DCP2: variants seen among roughly 807,000 people sequenced by gnomAD.
DCP2 encodes the protein m7GpppN-mRNA hydrolase.
DCP2 carries 30 observed loss-of-function variants against 56.1 expected under a neutral mutation model. That is an observed-to-expected ratio of 0.53 (90% confidence interval 0.40 to 0.73). The LOEUF is 0.73. DCP2 is among the 30% of genes least tolerant of loss of function. DCP2 has a pLI of 0.00. For missense variants in DCP2, 533 were observed against 502.7 expected (o/e 1.06, Z -0.58); for synonymous variants, 197 against 163.3 (o/e 1.21, Z -1.57).
intron 7 of DCP2, among the ~76,000 whole-genome samples, chr5:113,002,649 C>T (rs918111828): frequency 2.0e-5 from 3 of 152,036 alleles, no homozygotes; most frequent in Non-Finnish European, 4.4e-5. Context: ...TTTCCTGAGT[C>T]ACTGGGAACA....
rs1314177563 is a variant in DCP2 at position 113,020,900 on chromosome 5, CATT to C, written c.*7417_*7419del. 4 of 152,120 alleles carry C rather than the reference CATT, an allele frequency of 2.6e-5. No homozygotes were observed. The highest frequency in any genetic ancestry group is 3.8e-4 in the East Asian group (2 of 5,200). The allele number at this position is 152,120 out of a possible 1,614,324, so 9.4% of individuals were successfully genotyped here. A position where few individuals can be genotyped will look rare whatever the true frequency, so the allele number is the denominator to read the frequency against. ...AGATACTGGCTTTCTGTAAAAACAT[CATT>C]GTGTTAGATTGTTTGTAATGTACTA... On this transcript the variant is annotated 3_prime_UTR_variant, in exon 11 of 11. Transcript: ENST00000389063.
chr5:112,983,554 T>A (rs1748109457), intron 1 of DCP2, among the ~76,000 whole-genome samples: 1 of 152,166 alleles, frequency 6.6e-6, no homozygotes, highest in Admixed American at 6.5e-5. Flanking sequence ...TAGGATTGAC[T>A]TACGAGACCT....
At chr5:113,000,911 C>G (rs1044636475) in intron 4 of DCP2, among the ~76,000 whole-genome samples, 173 bp from the exon 5 acceptor site, 1 of 152,130 alleles carries the variant, frequency 6.6e-6, no homozygotes, top group African/African-American at 2.4e-5. Context: ...AACAATAGGG[C>G]ACAAGAACTT....
intron 1 of DCP2, 135 bp downstream of exon 1, chr5:112,977,121 C>G: frequency 1.6e-6 from 1 of 619,254 alleles, no homozygotes; most frequent in Admixed American, 3.7e-5. Flanking sequence ...CGCTTTCCAT[C>G]GTCGACCCTG....
chr5:112,995,993 A>C (rs1020912447), intron 4 of DCP2, among the ~76,000 whole-genome samples: 1 of 152,194 alleles, frequency 6.6e-6, no homozygotes, highest in Non-Finnish European at 1.5e-5. Flanking sequence ...TCTTGTAAAA[A>C]TGGCACCAGC....
Position 113,013,841 on chromosome 5 carries a change from G to C in DCP2, c.*357G>C, listed in dbSNP as rs754477286. On this transcript the variant is annotated 3_prime_UTR_variant, in exon 11 of 11. Transcript: ENST00000389063. ...GGGAATGCTCCATCTACCTGTTACAGTGATTGCAATAATAGTATATTGGAG... is the reference window on the plus strand; with the variant it reads ...GGGAATGCTCCATCTACCTGTTACACTGATTGCAATAATAGTATATTGGAG... 7.3e-5 allele frequency: 13 copies of C among 176,964 alleles called. No individual in the cohort carries two copies. Among genetic ancestry groups the C allele is most frequent in the Non-Finnish European group, 1.2e-4 (10 of 84,150 alleles). 11.0% of individuals were successfully genotyped at this position (176,964 alleles called of 1,614,324 possible).
At chr5:112,977,856 C>A (rs905365056) in intron 1 of DCP2, among the ~76,000 whole-genome samples, 14 of 151,892 alleles carry the variant, frequency 9.2e-5, no homozygotes, top group African/African-American at 2.7e-4. Flanking sequence ...TTCACAGTTA[C>A]TGTGTTTATG....
In DCP2 at chr5:112,985,916, T is replaced by C; in HGVS notation, c.135T>C (p.Phe45=). Reference sequence around the variant, plus strand: ...TTCAGATTGAACTTGCCCATTGGTTTTACTTGGATTTCTACATGCAGAACA... The same window carrying C: ...TTCAGATTGAACTTGCCCATTGGTTCTACTTGGATTTCTACATGCAGAACA... The part of the protein sequence containing the change: ...VCFQIELAHW[F]YLDFYMQNTP... The change falls in exon 2 of 11, where the codon TTT becomes TTC. Residue 45 remains phenylalanine (F), a synonymous_variant. Coordinates refer to ENST00000389063, the MANE Select transcript of DCP2 (RefSeq NM_152624.6). 6.2e-7 allele frequency: 1 copy of C among 1,609,920 alleles called. No individual in the cohort carries two copies. Among genetic ancestry groups the C allele is most frequent in the Non-Finnish European group, 8.5e-7 (1 of 1,176,654 alleles).
intron 4 of DCP2, among the ~76,000 whole-genome samples, chr5:112,993,000 C>G (rs559161771): frequency 4.7e-5 from 7 of 149,082 alleles, no homozygotes; most frequent in Non-Finnish European, 1.0e-4. Flanking sequence ...TTTGTATTAT[C>G]TCTTGTTCCT....
rs753606346 is a variant in DCP2, at chr5:113,001,076, G to GT, written c.433-5dup. ...AATGAAAATTTCATCCAAATTTGTT[G>GT]TTTCCAGGTCTTTGAAGAAACTGGT... On this transcript the variant is annotated splice_polypyrimidine_tract_variant and splice_region_variant and intron_variant, in intron 4 of 10. Transcript: ENST00000389063. 4 of 1,578,244 alleles carry GT rather than the reference G, an allele frequency of 2.5e-6. No individual in the cohort carries two copies. The African/African-American group carries it at 5.5e-5, about 22-fold the overall frequency.
chr5:112,995,810 T>C (rs950178405), intron 4 of DCP2, among the ~76,000 whole-genome samples: 2 of 152,230 alleles, frequency 1.3e-5, no homozygotes, highest in Non-Finnish European at 2.9e-5. Context: ...TGTTTTAGTC[T>C]GTGAGGGCTA....
rs1013210926 is a variant in DCP2, at chr5:113,020,429, T to C, written c.*6945T>C. On this transcript the variant is annotated 3_prime_UTR_variant, in exon 11 of 11. Transcript: ENST00000389063. Reference sequence around the variant, plus strand: ...GGTGGTATACAGTTCTTGGTGCTCTTTTGGAAATTGTCAAACATTTACTGA... The same window carrying C: ...GGTGGTATACAGTTCTTGGTGCTCTCTTGGAAATTGTCAAACATTTACTGA... 1 of 152,240 alleles carries C rather than the reference T, an allele frequency of 6.6e-6. No homozygotes were observed. Among genetic ancestry groups the C allele is most frequent in the African/African-American group, 2.4e-5 (1 of 41,464 alleles). 9.4% of individuals were successfully genotyped at this position (152,240 alleles called of 1,614,324 possible).
At chr5:112,999,697 A>T (rs1749048384) in intron 4 of DCP2, among the ~76,000 whole-genome samples, 2 of 150,052 alleles carry the variant, frequency 1.3e-5, no homozygotes, top group Admixed American at 1.3e-4. Context: ...GATGGTGATC[A>T]CGGTTCACTG....
At chr5:112,992,616 G>T in intron 3 of DCP2, 56 bp from the exon 4 acceptor site, 1 of 1,262,762 alleles carries the variant, frequency 7.9e-7, no homozygotes, top group African/African-American at 1.5e-5. Context: ...TTGATTTTTA[G>T]AAAGGAGCAT....
At chr5:112,998,667 G>A (rs371729368) in intron 4 of DCP2, among the ~76,000 whole-genome samples, 1 of 152,220 alleles carries the variant, frequency 6.6e-6, no homozygotes, top group South Asian at 2.1e-4. Context: ...AGTGTCGTAT[G>A]TAGAGAAGAA....
At chr5:112,981,883 G>T (rs1191861048) in intron 1 of DCP2, among the ~76,000 whole-genome samples, 1 of 152,114 alleles carries the variant, frequency 6.6e-6, no homozygotes, top group East Asian at 1.9e-4. Context: ...CGATTCTCCT[G>T]CCTCATCCTC....
At chr5:113,004,893 G>A (rs559427310) in intron 8 of DCP2, among the ~76,000 whole-genome samples, 2 of 151,340 alleles carry the variant, frequency 1.3e-5, no homozygotes, top group African/African-American at 4.9e-5. Context: ...TTTGGGAGGC[G>A]AGGCGGGTGA....
At position 113,019,299 on chromosome 5, in the gene DCP2, G is replaced by A. The variant is rs978098860; in HGVS notation, c.*5815G>A. 2.0e-5 allele frequency: 3 copies of A among 152,196 alleles called. No homozygotes were observed. The highest frequency in any genetic ancestry group is 2.4e-5 in the African/African-American group (1 of 41,442). The allele number at this position is 152,196 out of a possible 1,614,324, so 9.4% of individuals were successfully genotyped here. ...TTAGAAAGATAATTCTTCAGCAGTT[G>A]GTTGATTAGATGGGTTAGTGCTTTT... On this transcript the variant is annotated 3_prime_UTR_variant, in exon 11 of 11. Transcript: ENST00000389063.
intron 4 of DCP2, among the ~76,000 whole-genome samples, chr5:113,000,292 ACCTGGGCT>A (rs1335147837): frequency 7.8e-4 from 119 of 151,738 alleles, no homozygotes; most frequent in African/African-American, 2.8e-3. Context: ...GGTCTCGAAC[ACCTGGGCT>A]CAAGTGATCC....
Sources: allele counts gnomAD v4.1 joint callset (sites outside exome capture counted in the v4.1 genomes callset), GRCh38; gene constraint gnomAD v4.1.1; transcripts MANE v1.5; gene names NCBI Gene and HGNC (gene_info 2026-07-23, HGNC 2026-07-21).